ASXL3: variants seen among roughly 807,000 people sequenced by gnomAD.
ASXL3 encodes the protein ASXL transcriptional regulator 3, also known as putative Polycomb group protein ASXL3.
In ASXL3, 34 loss-of-function variants were observed where a neutral mutation model predicts 170.6. The observed-to-expected ratio is 0.20, with a 90% CI of 0.15 to 0.27. The LOEUF is 0.27. ASXL3 is among the 10% of genes least tolerant of loss of function. The probability of loss-of-function intolerance (pLI) is 1.00; values close to 1 mark genes in which losing one functional copy is unlikely to be tolerated. For synonymous variants in ASXL3, 1,002 were observed against 989.1 expected (o/e 1.01, Z -0.24); for missense variants, 2,592 against 2,695.3 (o/e 0.96, Z 0.85).
chr18:33,734,295 G>A lies in ASXL3; in HGVS notation c.977-15G>A. 6.4e-7 allele frequency: 1 copy of A among 1,559,792 alleles called. No individual in the cohort carries two copies. The highest frequency in any genetic ancestry group is 1.2e-5 in the South Asian group (1 of 84,216). ...GTGACCACATTTATTCAATACATTA[G>A]CATTTTCTTTTTAGGAGAGTTTACC... On this transcript the variant is annotated splice_polypyrimidine_tract_variant and intron_variant, in intron 9 of 11. Coordinates refer to ENST00000269197, the MANE Select transcript of ASXL3 (RefSeq NM_030632.3).
intron 5 of ASXL3, among the ~76,000 whole-genome samples, chr18:33,665,719 C>A (rs2066245188): frequency 6.6e-6 from 1 of 152,102 alleles, no homozygotes; most frequent in Non-Finnish European, 1.5e-5. Flanking sequence ...AACTATCTAA[C>A]AGGCTTTCTG....
At chr18:33,658,998 C>A (rs980423173) in intron 4 of ASXL3, among the ~76,000 whole-genome samples, 3 of 151,988 alleles carry the variant, frequency 2.0e-5, no homozygotes, top group African/African-American at 7.2e-5. Flanking sequence ...CAACATAGTG[C>A]CATAATAAAT....
intron 2 of ASXL3, among the ~76,000 whole-genome samples, chr18:33,630,032 C>G (rs2065654746): frequency 6.6e-6 from 1 of 151,916 alleles, no homozygotes; most frequent in Admixed American, 6.6e-5. Flanking sequence ...ACCCCCTGCT[C>G]TGAACTTAGG....
At position 33,739,519 on chromosome 18, in the gene ASXL3, A is replaced by G. The variant is rs1232775739; in HGVS notation, c.2115A>G (p.Ser705=). 6.2e-7 allele frequency: 1 copy of G among 1,613,908 alleles called. No individual in the cohort carries two copies. Among genetic ancestry groups the G allele is most frequent in the East Asian group, 2.2e-5 (1 of 44,884 alleles). Residue 705 remains serine, a synonymous_variant, in exon 11 of 12, where the codon TCA becomes TCG. Transcript: ENST00000269197. The part of the protein sequence containing the change: ...MSNLPLTSEA[S]PVSNLPLTSE... ...ACTTACCATTAACATCTGAAGCATC[A>G]CCAGTATCCAACTTACCTTTAACAT...
chr18:33,596,396 G>T (rs1280681490), intron 1 of ASXL3, among the ~76,000 whole-genome samples: 1 of 152,130 alleles, frequency 6.6e-6, no homozygotes, highest in East Asian at 1.9e-4. Flanking sequence ...TAACTGAATG[G>T]ATTATTGAGG....
chr18:33,668,959 A>T (rs2066300579), intron 5 of ASXL3, among the ~76,000 whole-genome samples: 1 of 151,932 alleles, frequency 6.6e-6, no homozygotes, highest in Admixed American at 6.6e-5. Flanking sequence ...TTTCCATGAG[A>T]AGTAGTTTAA....
At chr18:33,654,925 ATAAC>A in intron 4 of ASXL3, among the ~76,000 whole-genome samples, 1 of 152,204 alleles carries the variant, frequency 6.6e-6, no homozygotes, top group South Asian at 2.1e-4. Context: ...AGATAATAGT[ATAAC>A]TAAATTGGCC....
At chr18:33,742,748 C>CAT in intron 11 of ASXL3, 140 bp from the exon 12 acceptor site, 1 of 1,231,732 alleles carries the variant, frequency 8.1e-7, no homozygotes. Flanking sequence ...CCTAAGGGTG[C>CAT]ATCCAGGGAT....
At chr18:33,652,395 G>T (rs2066013199) in intron 4 of ASXL3, among the ~76,000 whole-genome samples, 1 of 151,784 alleles carries the variant, frequency 6.6e-6, no homozygotes. Context: ...GAAAAATTAA[G>T]TTTCTCCTTT....
At chr18:33,674,528 A>T (rs909940426) in intron 7 of ASXL3, among the ~76,000 whole-genome samples, 4 of 152,220 alleles carry the variant, frequency 2.6e-5, no homozygotes, top group Admixed American at 2.0e-4. Flanking sequence ...AGTACTTTCA[A>T]AGTTTCCAAT....
intron 1 of ASXL3, among the ~76,000 whole-genome samples, chr18:33,596,359 G>A (rs2065126753): frequency 1.3e-5 from 2 of 152,228 alleles, no homozygotes; most frequent in East Asian, 3.9e-4. Context: ...TCATTTTAGT[G>A]TATGTGTGTG....
At chr18:33,614,558 G>A (rs903313848) in intron 2 of ASXL3, 1 of 152,160 alleles carries the variant, frequency 6.6e-6, no homozygotes, top group Non-Finnish European at 1.5e-5. Context: ...ACGGCATCTA[G>A]CAGGGTGAAC....
intron 2 of ASXL3, among the ~76,000 whole-genome samples, chr18:33,629,354 G>C (rs547783258): frequency 6.6e-6 from 1 of 152,260 alleles, no homozygotes; most frequent in East Asian, 1.9e-4. Context: ...GTTGGTTGGA[G>C]TTGTGCTTAC....
At position 33,732,580 on chromosome 18, in the gene ASXL3, G is replaced by A. The variant is rs895787994; in HGVS notation, c.976+516G>A. Reference sequence around the variant, plus strand: ...TCCTAGAGAAGAATACTAGCCAGGCGTGGTGGCTCACTGGCCTGTTATCCC... The same window carrying A: ...TCCTAGAGAAGAATACTAGCCAGGCATGGTGGCTCACTGGCCTGTTATCCC... On this transcript the variant is annotated intron_variant, in intron 9 of 11. Transcript: ENST00000269197. Among the ~76,000 whole-genome samples, 17 of 152,076 alleles carry A rather than the reference G, an allele frequency of 1.1e-4. 1 individual carries two copies. The highest frequency in any genetic ancestry group is 3.9e-4 in the African/African-American group (16 of 41,420).
intron 5 of ASXL3, among the ~76,000 whole-genome samples, chr18:33,662,324 G>C (rs915724600): frequency 2.0e-5 from 3 of 152,134 alleles, no homozygotes; most frequent in African/African-American, 7.2e-5. Flanking sequence ...TCTGGGCACG[G>C]ACATGCCCTG....
At chr18:33,684,518 T>G (rs897903671) in intron 8 of ASXL3, among the ~76,000 whole-genome samples, 1 of 152,204 alleles carries the variant, frequency 6.6e-6, no homozygotes, top group African/African-American at 2.4e-5. Flanking sequence ...ACAATTTATA[T>G]GTATCTCTTT....
At chr18:33,609,497 T>C (rs1413371856) in intron 2 of ASXL3, among the ~76,000 whole-genome samples, 2 of 152,034 alleles carry the variant, frequency 1.3e-5, no homozygotes, top group East Asian at 3.9e-4. Context: ...GTTATCATTA[T>C]ATCATTATTT....
In ASXL3 at chr18:33,739,891, CAAT is replaced by C. The variant is rs753931859; in HGVS notation, c.2490_2492del (p.Asn830del). On this transcript the variant is annotated inframe_deletion, in exon 11 of 12. Transcript: ENST00000269197. Reference sequence around the variant, plus strand: ...AAGCATTTCCGTCTGAAGATTTGCACAATAAGACCCTGAGTCAGCAAACCTGTA... The same window carrying C: ...AAGCATTTCCGTCTGAAGATTTGCACAAGACCCTGAGTCAGCAAACCTGTA... 2.5e-6 allele frequency: 4 copies of C among 1,613,890 alleles called. No individual in the cohort carries two copies. Among genetic ancestry groups the C allele is most frequent in the South Asian group, 1.1e-5 (1 of 91,078 alleles).
chr18:33,671,936 A>G, intron 7 of ASXL3, 70 bp downstream of exon 7: 1 of 1,371,130 alleles, frequency 7.3e-7, no homozygotes, highest in Non-Finnish European at 9.7e-7. Context: ...ATTATCTAAA[A>G]TTTTCAGAAC....
Sources: allele counts gnomAD v4.1 joint callset (sites outside exome capture counted in the v4.1 genomes callset), GRCh38; gene constraint gnomAD v4.1.1; transcripts MANE v1.5; gene names NCBI Gene and HGNC (gene_info 2026-07-23, HGNC 2026-07-21).